The following GPHN variants were observed in gnomAD, a reference collection of about 807,000 sequenced individuals.
GPHN encodes the protein gephyrin.
In GPHN, 17 loss-of-function variants were observed where a neutral mutation model predicts 95.5. The ratio of observed to expected loss-of-function variants is 0.18; its 90% CI spans 0.12 to 0.27. The LOEUF (loss-of-function observed/expected upper bound fraction) is 0.27. Ranked by LOEUF, GPHN falls within the 10% of genes least tolerant of loss-of-function variation. GPHN has a pLI of 1.00. For synonymous variants in GPHN, 320 were observed against 322.5 expected (o/e 0.99, Z 0.08); for missense variants, 660 against 978.1 (o/e 0.67, Z 4.34).
the GPHN span, chr14:67,347,502 CT>C: frequency 6.7e-3 from 7,298 of 1,095,124 alleles, no homozygotes; most frequent in Non-Finnish European, 7.2e-3. Context: ...TAAGTTCTCT[CT>C]TTTTTTTTTT....
At chr14:67,649,114 A>G in the GPHN span, 1 of 152,226 alleles carries the variant, frequency 6.6e-6, no homozygotes, top group Non-Finnish European at 1.5e-5. Context: ...TGGGGGTTCA[A>G]TTCTCTGCTT....
the GPHN span, chr14:67,574,025 G>A: frequency 1.4e-6 from 1 of 722,944 alleles, no homozygotes; most frequent in Non-Finnish European, 2.4e-6. The surrounding 1 kb of genome is among the most constrained non-coding windows in gnomAD (Gnocchi z 4.2). Flanking sequence ...ATCCTAACTT[G>A]TGAGTACAAG....
the GPHN span, among the ~76,000 whole-genome samples, chr14:67,713,116 T>C: frequency 6.6e-6 from 1 of 152,250 alleles, no homozygotes; most frequent in African/African-American, 2.4e-5. Context: ...CTGAGCACTC[T>C]AATGGTAAGC....
At chr14:66,985,272 T>C (rs189582501) in intron 9 of GPHN, among the ~76,000 whole-genome samples, 76 of 152,336 alleles carry the variant, frequency 5.0e-4, no homozygotes, top group Middle Eastern at 6.8e-3. Context: ...AGAGCATTCA[T>C]GTTTCTAGTC....
the GPHN span, chr14:67,205,139 G>T: frequency 6.8e-7 from 1 of 1,479,800 alleles, no homozygotes; most frequent in South Asian, 1.4e-5. Context: ...AACTAGAGGG[G>T]TTACCGAGAT....
chr14:67,000,154 AC>A (rs2072116635), intron 9 of GPHN, among the ~76,000 whole-genome samples: 2 of 151,724 alleles, frequency 1.3e-5, no homozygotes, highest in Non-Finnish European at 3.0e-5. Context: ...TGCCCTTTGA[AC>A]TCTTAGACAC....
chr14:67,512,853 G>GTGC, the GPHN span, among the ~76,000 whole-genome samples: 2 of 152,196 alleles, frequency 1.3e-5, no homozygotes, highest in Admixed American at 6.5e-5. Flanking sequence ...TGCTGCCTAA[G>GTGC]TGCTGCAGCG....
intron 3 of GPHN, 76 bp from the exon 4 acceptor site, chr14:66,824,398 A>G: frequency 1.4e-6 from 1 of 740,302 alleles, no homozygotes; most frequent in Non-Finnish European, 2.5e-6. Context: ...TTGAATACAA[A>G]GTGTCCTAGG....
At chr14:67,625,736 CAAA>C in the GPHN span, among the ~76,000 whole-genome samples, 1 of 118,446 alleles carries the variant, frequency 8.4e-6, no homozygotes. Flanking sequence ...AATGAAAAAC[CAAA>C]AAAAAAAAAG....
At chr14:67,394,907 T>G in the GPHN span, among the ~76,000 whole-genome samples, 1 of 152,144 alleles carries the variant, frequency 6.6e-6, no homozygotes, top group African/African-American at 2.4e-5. Flanking sequence ...GCCCCCTCAC[T>G]GTGTGATGCC....
the GPHN span, among the ~76,000 whole-genome samples, chr14:67,257,558 G>A: frequency 6.6e-6 from 1 of 151,792 alleles, no homozygotes; most frequent in Admixed American, 6.6e-5. Flanking sequence ...ATGAGAGACA[G>A]CTAAATATTC....
chr14:67,291,072 G>A, the GPHN span, among the ~76,000 whole-genome samples: 1 of 152,082 alleles, frequency 6.6e-6, no homozygotes, highest in East Asian at 1.9e-4. Context: ...GAAAAGCAGG[G>A]GGGTCGGAGT....
intron 9 of GPHN, among the ~76,000 whole-genome samples, chr14:66,992,877 C>T (rs1402873613): frequency 6.6e-6 from 1 of 152,120 alleles, no homozygotes; most frequent in Non-Finnish European, 1.5e-5. Flanking sequence ...TAACCATGCT[C>T]ATTCATTTGC....
rs543022498 is a variant in GPHN, at chr14:66,932,352, G to A, written c.828+8060G>A. The stretch of plus-strand genomic sequence containing the variant: ...CAGCCCAGTACTGGGTCTTGCCCAA[G>A]GCCTGTGGCAACTATTTTCTGGCTG... On this transcript the variant is annotated intron_variant, in intron 8 of 22. Coordinates refer to ENST00000478722, the MANE Select transcript of GPHN (RefSeq NM_020806.5). Among the ~76,000 whole-genome samples, 124 of 150,176 alleles carry A rather than the reference G, an allele frequency of 8.3e-4. 1 individual carries two copies. The highest frequency in any genetic ancestry group is 2.9e-3 in the African/African-American group (117 of 40,880).
the GPHN span, among the ~76,000 whole-genome samples, chr14:67,358,464 A>AC: frequency 2.6e-5 from 4 of 152,196 alleles, no homozygotes; most frequent in East Asian, 7.7e-4. Flanking sequence ...ACAACAAAAC[A>AC]CCCCCACAGA....
At chr14:66,735,177 C>T (rs954394857) in intron 2 of GPHN, among the ~76,000 whole-genome samples, 5 of 152,156 alleles carry the variant, frequency 3.3e-5, no homozygotes, top group Non-Finnish European at 7.4e-5. Context: ...CCATAGAAAA[C>T]TCTTAGGGAT....
the GPHN span, among the ~76,000 whole-genome samples, chr14:67,654,901 C>T: frequency 4.0e-5 from 6 of 151,868 alleles, no homozygotes; most frequent in Admixed American, 6.6e-5. Context: ...TGGTGGCAGA[C>T]GCCTGTAGTC....
chr14:67,480,097 A>G, the GPHN span, among the ~76,000 whole-genome samples: 1 of 152,214 alleles, frequency 6.6e-6, no homozygotes, highest in Non-Finnish European at 1.5e-5. Flanking sequence ...GAACTCGTAC[A>G]TATACACTAC....
the GPHN span, among the ~76,000 whole-genome samples, chr14:67,426,811 G>A: frequency 6.6e-6 from 1 of 152,200 alleles, no homozygotes; most frequent in African/African-American, 2.4e-5. Flanking sequence ...CTGACCTCAG[G>A]TGATCCACTC....
Sources: allele counts gnomAD v4.1 joint callset (sites outside exome capture counted in the v4.1 genomes callset), GRCh38; gene constraint gnomAD v4.1.1; non-coding constraint Gnocchi (gnomAD v3.1); transcripts MANE v1.5; gene names NCBI Gene and HGNC (gene_info 2026-07-23, HGNC 2026-07-21).